The following DAB1 variants were observed in gnomAD, a reference collection of about 807,000 sequenced individuals.
The protein encoded by DAB1 is DAB adaptor protein 1.
A neutral mutation model predicts 64.6 loss-of-function variants in DAB1; 15 were observed. The observed-to-expected ratio is 0.23, with a 90% CI of 0.16 to 0.36. The LOEUF (loss-of-function observed/expected upper bound fraction) is 0.36, where lower values mean the gene tolerates loss of function less well. DAB1 is among the 10% of genes least tolerant of loss of function. The pLI, the probability that DAB1 is intolerant of heterozygous loss-of-function variation, is 1.00. For synonymous variants in DAB1, 235 were observed against 251.9 expected, an observed-to-expected ratio of 0.93 and a Z score of 0.64; for missense variants, 596 against 706.7, an observed-to-expected ratio of 0.84 and a Z score of 1.78.
At chr1:57,117,600 C>G (rs1656254220) in intron 4 of DAB1, among the ~76,000 whole-genome samples, 1 of 152,174 alleles carries the variant, frequency 6.6e-6, no homozygotes, top group Admixed American at 6.5e-5. Context: ...ACAATTCAAG[C>G]CCTCGGTGCA....
chr1:58,534,682 C>G (rs1646489113), intron 1 of DAB1, among the ~76,000 whole-genome samples: 1 of 152,226 alleles, frequency 6.6e-6, no homozygotes, highest in South Asian at 2.1e-4. Flanking sequence ...CGCCTGTAAT[C>G]CCAGAACTAG....
At chr1:57,700,444 A>G (rs1232043989) in intron 6 of DAB1, among the ~76,000 whole-genome samples, 1 of 151,586 alleles carries the variant, frequency 6.6e-6, no homozygotes, top group African/African-American at 2.4e-5. Context: ...ATTTCCAGCT[A>G]CTCTGTTCCT....
At chr1:57,755,371 G>A (rs1258919817) in intron 6 of DAB1, among the ~76,000 whole-genome samples, 2 of 152,020 alleles carry the variant, frequency 1.3e-5, no homozygotes, top group African/African-American at 2.4e-5. Context: ...TTTAATAAAG[G>A]TTTGTATATG....
intron 6 of DAB1, among the ~76,000 whole-genome samples, chr1:57,674,152 T>C (rs1340892337): frequency 6.6e-6 from 1 of 152,204 alleles, no homozygotes; most frequent in Non-Finnish European, 1.5e-5. Flanking sequence ...GTTTACACCA[T>C]CTGGTCTCTA....
At chr1:57,496,247 A>G (rs1306489139) in intron 7 of DAB1, among the ~76,000 whole-genome samples, 3 of 152,074 alleles carry the variant, frequency 2.0e-5, no homozygotes, top group Non-Finnish European at 4.4e-5. Context: ...GCACTCACAC[A>G]TTTGGATAGA....
At chr1:57,427,004 C>G (rs1685316292), upstream of DAB1, among the ~76,000 whole-genome samples, 1 of 151,650 alleles carries the variant, frequency 6.6e-6, no homozygotes, top group Non-Finnish European at 1.5e-5. Flanking sequence ...GCTGGGACTA[C>G]AGGAGCCCGC....
intron 4 of DAB1, among the ~76,000 whole-genome samples, chr1:57,085,385 A>T (rs1158199908): frequency 6.6e-6 from 1 of 152,236 alleles, no homozygotes; most frequent in Non-Finnish European, 1.5e-5. Flanking sequence ...GATGTGAAGA[A>T]GCTAGGCTGT....
intron 7 of DAB1, among the ~76,000 whole-genome samples, chr1:57,525,132 G>A (rs1644576105): frequency 6.6e-6 from 1 of 152,204 alleles, no homozygotes; most frequent in South Asian, 2.1e-4. Context: ...AGAGCAATAA[G>A]TTAGTATGTA....
At chr1:57,665,644 T>C (rs542563874) in intron 6 of DAB1, among the ~76,000 whole-genome samples, 12 of 152,214 alleles carry the variant, frequency 7.9e-5, no homozygotes, top group South Asian at 4.1e-4. Flanking sequence ...CATTTCAGAA[T>C]GGTATGTAGC....
At chr1:57,447,924 A>G (rs1333140844) in intron 7 of DAB1, among the ~76,000 whole-genome samples, 1 of 152,200 alleles carries the variant, frequency 6.6e-6, no homozygotes, top group Non-Finnish European at 1.5e-5. Context: ...TGATGGCAGG[A>G]AAGTCTATGC....
chr1:57,053,047 C>T (rs1649347602), intron 9 of DAB1, among the ~76,000 whole-genome samples: 1 of 152,184 alleles, frequency 6.6e-6, no homozygotes, highest in Admixed American at 6.5e-5. Context: ...GCAGAAACTG[C>T]TTTCACACAT....
At chr1:58,051,477 T>C (rs1647663601) in intron 5 of DAB1, among the ~76,000 whole-genome samples, 1 of 152,208 alleles carries the variant, frequency 6.6e-6, no homozygotes, top group African/African-American at 2.4e-5. Flanking sequence ...TTCCAAGACT[T>C]TGCTATTGTG....
intron 3 of DAB1, chr1:58,480,917 TA>T: frequency 1.3e-6 from 1 of 780,972 alleles, no homozygotes; most frequent in South Asian, 1.7e-5. Flanking sequence ...CATAAAATGA[TA>T]AGGACTGCAA....
intron 5 of DAB1, among the ~76,000 whole-genome samples, chr1:58,126,160 A>T (rs866371849): frequency 3.3e-5 from 5 of 152,198 alleles, no homozygotes; most frequent in Admixed American, 3.3e-4. Flanking sequence ...TGCTATCCAA[A>T]AAGAAAAGGC....
At chr1:58,483,304 G>C (rs1329209401) in intron 3 of DAB1, among the ~76,000 whole-genome samples, 1 of 152,158 alleles carries the variant, frequency 6.6e-6, no homozygotes, top group Non-Finnish European at 1.5e-5. Context: ...TACCCTGAGT[G>C]GGGTATGGTA....
chr1:58,387,629 G>A (rs920549692), intron 3 of DAB1, among the ~76,000 whole-genome samples: 1 of 152,040 alleles, frequency 6.6e-6, no homozygotes, highest in Non-Finnish European at 1.5e-5. Context: ...TGGACATGGT[G>A]AGGACCCTCA....
intron 4 of DAB1, among the ~76,000 whole-genome samples, chr1:58,175,079 G>A (rs930654030): frequency 1.3e-5 from 2 of 152,208 alleles, no homozygotes; most frequent in African/African-American, 4.8e-5. Context: ...CCTCCATTCT[G>A]CGGAAGCTTT....
rs1284945229 is a variant in DAB1 at position 57,431,817 on chromosome 1, G to C, written n.626-140651C>G. On this transcript the variant is annotated intron_variant and non_coding_transcript_variant, in intron 7 of 20. Transcript: ENST00000485760. ...ATATTAGTGCCTGAAAATAGGAGTA[G>C]ACTAAAAGCTATAAAAAATGGCTGG... Among the ~76,000 whole-genome samples, 3 of 152,182 alleles carry C rather than the reference G, an allele frequency of 2.0e-5. No individual in the cohort carries two copies. In the East Asian group the frequency reaches 5.8e-4, roughly 29 times the overall value.
chr1:58,506,440 T>A (rs1215482689), intron 2 of DAB1, among the ~76,000 whole-genome samples: 1 of 152,206 alleles, frequency 6.6e-6, no homozygotes, highest in African/African-American at 2.4e-5. Context: ...TGTCACTACA[T>A]GCTTTAAAGT....
Sources: allele counts gnomAD v4.1 joint callset (sites outside exome capture counted in the v4.1 genomes callset), GRCh38; gene constraint gnomAD v4.1.1; transcripts MANE v1.5; gene names NCBI Gene and HGNC (gene_info 2026-07-23, HGNC 2026-07-21).